The following ZFYVE28 variants were observed in gnomAD, a reference collection of about 807,000 sequenced individuals.
The protein encoded by ZFYVE28 is zinc finger FYVE-type containing 28.
ZFYVE28 carries 40 observed loss-of-function variants against 82.1 expected under a neutral mutation model. The ratio of observed to expected loss-of-function variants is 0.49; its 90% CI spans 0.38 to 0.63. ZFYVE28 has a LOEUF of 0.63. ZFYVE28 is among the 30% of genes least tolerant of loss of function. The pLI, the probability that ZFYVE28 is intolerant of heterozygous loss-of-function variation, is 0.00. For synonymous variants in ZFYVE28, 612 were observed against 546.1 expected, an observed-to-expected ratio of 1.12 and a Z score of -1.68; for missense variants, 1,321 against 1,242.1, an observed-to-expected ratio of 1.06 and a Z score of -0.96.
Position 2,274,081 on chromosome 4 carries a change from G to A in ZFYVE28, c.2187C>T (p.Arg729=). 1 of 1,614,128 alleles carries A rather than the reference G, an allele frequency of 6.2e-7. No homozygotes were observed. Residue 729 remains arginine (R), a synonymous_variant, in exon 9 of 13, where the codon CGC becomes CGT. Coordinates refer to ENST00000290974, the MANE Select transcript of ZFYVE28 (RefSeq NM_020972.3). ...TGACACCTGAAATGCAGACGAACAGGCGGTGGATGAGGTCGTGGCTGCCGT... is the reference window on the plus strand; with the variant it reads ...TGACACCTGAAATGCAGACGAACAGACGGTGGATGAGGTCGTGGCTGCCGT... The part of the protein sequence containing the change: ...RFHGSHDLIH[R]LFVCISGVAD...
At chr4:2,377,055 T>A (rs1443729883) in intron 1 of ZFYVE28, among the ~76,000 whole-genome samples, 1 of 151,738 alleles carries the variant, frequency 6.6e-6, no homozygotes, top group Non-Finnish European at 1.5e-5. Context: ...GGAGTCTCGC[T>A]CTGTCACCCA....
At chr4:2,310,198 T>C (rs1276400091) in intron 7 of ZFYVE28, among the ~76,000 whole-genome samples, 1 of 152,018 alleles carries the variant, frequency 6.6e-6, no homozygotes, top group African/African-American at 2.4e-5. Flanking sequence ...ACCACCATGC[T>C]CAACTAATTT....
At chr4:2,327,571 T>C (rs1720077905) in intron 6 of ZFYVE28, among the ~76,000 whole-genome samples, 1 of 151,560 alleles carries the variant, frequency 6.6e-6, no homozygotes, top group Non-Finnish European at 1.5e-5. Flanking sequence ...TTTTTTTCTG[T>C]TTTACATTTT....
At chr4:2,383,332 G>C (rs1196617563) in intron 1 of ZFYVE28, among the ~76,000 whole-genome samples, 6 of 152,068 alleles carry the variant, frequency 3.9e-5, no homozygotes, top group African/African-American at 1.4e-4. Flanking sequence ...AGATCTGATG[G>C]TTTTATCAGG....
intron 1 of ZFYVE28, among the ~76,000 whole-genome samples, chr4:2,367,917 A>T (rs1727057139): frequency 6.6e-6 from 1 of 152,170 alleles, no homozygotes; most frequent in Non-Finnish European, 1.5e-5. Flanking sequence ...CCAACATGCC[A>T]GGTGCCCTCC....
intron 1 of ZFYVE28, among the ~76,000 whole-genome samples, chr4:2,379,985 G>C (rs529050221): frequency 1.3e-5 from 2 of 152,122 alleles, no homozygotes; most frequent in African/African-American, 4.8e-5. Context: ...ATGGGGTTTT[G>C]CCATGTTGCC....
At chr4:2,383,174 A>G (rs1275241174) in intron 1 of ZFYVE28, among the ~76,000 whole-genome samples, 1 of 152,142 alleles carries the variant, frequency 6.6e-6, no homozygotes, top group Non-Finnish European at 1.5e-5. Context: ...GGACGGAATT[A>G]TAAGGTTTGG....
At chr4:2,356,587 A>G (rs973081241) in intron 1 of ZFYVE28, among the ~76,000 whole-genome samples, 2 of 152,184 alleles carry the variant, frequency 1.3e-5, no homozygotes, top group Non-Finnish European at 2.9e-5. Context: ...GGAAGTAAAC[A>G]CATTCCCTCC....
chr4:2,393,449 T>G (rs1413488851), intron 1 of ZFYVE28, among the ~76,000 whole-genome samples: 1 of 152,150 alleles, frequency 6.6e-6, no homozygotes, highest in African/African-American at 2.4e-5. Context: ...GCTCATGCCA[T>G]GAGTCCCTGG....
chr4:2,361,758 G>A (rs895398417), intron 1 of ZFYVE28, among the ~76,000 whole-genome samples: 1 of 152,182 alleles, frequency 6.6e-6, no homozygotes, highest in South Asian at 2.1e-4. Context: ...CGGTAAGGGG[G>A]TAAGGGCCCA....
chr4:2,365,697 A>G lies in ZFYVE28; in HGVS notation c.40-11624T>C, dbSNP rs1030624314. 9.2e-5 allele frequency among the ~76,000 whole-genome samples: 14 copies of G among 152,098 alleles called. 1 individual carries two copies. The highest frequency in any genetic ancestry group is 2.6e-4 in the Admixed American group (4 of 15,292). ...GGCTGGGCCTGGGTTCTGTGCCTGGAGCTGGGCTACACGGGGAGGACGTCT... is the reference window on the plus strand; with the variant it reads ...GGCTGGGCCTGGGTTCTGTGCCTGGGGCTGGGCTACACGGGGAGGACGTCT... On this transcript the variant is annotated intron_variant, in intron 1 of 12. Coordinates refer to ENST00000290974, the MANE Select transcript of ZFYVE28 (RefSeq NM_020972.3).
chr4:2,405,012 G>A (rs555751543), intron 1 of ZFYVE28, among the ~76,000 whole-genome samples: 5 of 152,146 alleles, frequency 3.3e-5, no homozygotes, highest in East Asian at 1.9e-4. Flanking sequence ...GATTATAGGC[G>A]TAGGCCACCA....
At position 2,339,688 on chromosome 4, in the gene ZFYVE28, G is replaced by T; in HGVS notation, c.319-33C>A. On this transcript the variant is annotated intron_variant, in intron 3 of 12. Coordinates refer to ENST00000290974, the MANE Select transcript of ZFYVE28 (RefSeq NM_020972.3). The surrounding 1 kb of genome is among the most constrained non-coding windows in gnomAD (Gnocchi z 5.0). ...AGGGGACACACTCAGGGAGGGGCCC[G>T]GGTGAGGGCCAGGCTCTCAGGGGTC... 1 of 1,555,832 alleles carries T rather than the reference G, an allele frequency of 6.4e-7. No individual in the cohort carries two copies. The highest frequency in any genetic ancestry group is 8.7e-7 in the Non-Finnish European group (1 of 1,151,264).
At chr4:2,356,639 C>T (rs962990224) in intron 1 of ZFYVE28, among the ~76,000 whole-genome samples, 1 of 152,208 alleles carries the variant, frequency 6.6e-6, no homozygotes, top group African/African-American at 2.4e-5. Context: ...GTCGCAGTCG[C>T]CCAGCGACCC....
At chr4:2,398,027 T>A (rs1269643307) in intron 1 of ZFYVE28, among the ~76,000 whole-genome samples, 1 of 13,440 alleles carries the variant, frequency 7.4e-5, no homozygotes, top group Non-Finnish European at 1.4e-4. Flanking sequence ...TGGGGGCAGG[T>A]GAGATGGGAG....
chr4:2,335,802 G>A lies in ZFYVE28; in HGVS notation c.612-8C>T. On this transcript the variant is annotated splice_region_variant and splice_polypyrimidine_tract_variant and intron_variant, in intron 5 of 12. Transcript: ENST00000290974. The surrounding 1 kb of genome is among the most constrained non-coding windows in gnomAD (Gnocchi z 5.8). The stretch of plus-strand genomic sequence containing the variant: ...TACCCGAAGTCCAGGGCCCTGTCCG[G>A]GGAGACGGACAGTGAGCAGCATGAG... The A allele has an allele frequency of 1.3e-6, 2 of 1,554,960 alleles. No individual in the cohort carries two copies. Among genetic ancestry groups the A allele is most frequent in the Non-Finnish European group, 1.7e-6 (2 of 1,148,788 alleles).
At chr4:2,331,561 C>G (rs1469031224) in intron 6 of ZFYVE28, among the ~76,000 whole-genome samples, 2 of 151,930 alleles carry the variant, frequency 1.3e-5, no homozygotes, top group African/African-American at 4.8e-5. Context: ...AAAAGTAAAA[C>G]CAGTTTGTCA....
intron 8 of ZFYVE28, among the ~76,000 whole-genome samples, chr4:2,296,726 G>A (rs968416397): frequency 5.9e-5 from 9 of 152,094 alleles, no homozygotes; most frequent in Admixed American, 6.5e-5. Flanking sequence ...GGAGGCCCGC[G>A]GGGCGGCACC....
chr4:2,363,783 T>C (rs1726486546), intron 1 of ZFYVE28, among the ~76,000 whole-genome samples: 1 of 152,196 alleles, frequency 6.6e-6, no homozygotes, highest in African/African-American at 2.4e-5. Flanking sequence ...AGTCTTCTCT[T>C]GGGACTGGTA....
Sources: gnomAD v4.1 joint callset for allele counts (sites outside exome capture counted in the v4.1 genomes callset) on GRCh38, gnomAD v4.1.1 for gene constraint, Gnocchi (gnomAD v3.1) non-coding constraint, MANE v1.5 for transcripts, NCBI Gene and HGNC (gene_info 2026-07-23, HGNC 2026-07-21) for gene names.